SLIT3: variants seen among roughly 807,000 people sequenced by gnomAD.
SLIT3 encodes slit homolog 3 protein.
A neutral mutation model predicts 184.0 loss-of-function variants in SLIT3; 68 were observed. The ratio of observed to expected loss-of-function variants is 0.37; its 90% CI spans 0.30 to 0.45. The LOEUF (loss-of-function observed/expected upper bound fraction) is 0.45, where lower values mean the gene tolerates loss of function less well. Ranked by LOEUF, SLIT3 falls within the 20% of genes least tolerant of loss-of-function variation. The pLI, the probability that SLIT3 is intolerant of heterozygous loss-of-function variation, is 1.00. For missense variants in SLIT3, 1,707 were observed against 2,026.0 expected (o/e 0.84, Z 3.02); for synonymous variants, 831 against 828.6 (o/e 1.00, Z -0.05).
intron 20 of SLIT3, among the ~76,000 whole-genome samples, chr5:168,730,823 AAAG>A (rs1177045775): frequency 6.6e-6 from 1 of 152,070 alleles, no homozygotes; most frequent in African/African-American, 2.4e-5. Flanking sequence ...GAAACTAGAA[AAAG>A]AAGAACAAAA....
At chr5:169,229,214 AT>A (rs72344992) in intron 3 of SLIT3, among the ~76,000 whole-genome samples, 5,007 of 150,544 alleles carry the variant, frequency 0.033, 227 homozygotes, top group African/African-American at 0.11. Flanking sequence ...TCCTTCAGCT[AT>A]TTTTTTTTTC....
At chr5:169,167,792 C>A (rs952601140) in intron 4 of SLIT3, among the ~76,000 whole-genome samples, 2 of 152,138 alleles carry the variant, frequency 1.3e-5, no homozygotes, top group African/African-American at 4.8e-5. Flanking sequence ...CCCCGCCCAC[C>A]TGCCACCCAG....
chr5:169,191,341 C>T (rs750105757), intron 4 of SLIT3, among the ~76,000 whole-genome samples: 2 of 152,168 alleles, frequency 1.3e-5, no homozygotes, highest in Non-Finnish European at 2.9e-5. Flanking sequence ...GAGTCAAATA[C>T]CATTCCTGCC....
intron 15 of SLIT3, among the ~76,000 whole-genome samples, chr5:168,761,356 G>A (rs1211339841): frequency 6.6e-6 from 1 of 152,106 alleles, no homozygotes; most frequent in Non-Finnish European, 1.5e-5. Flanking sequence ...AGCAGCTCGG[G>A]AACTTCACAG....
intron 29 of SLIT3, among the ~76,000 whole-genome samples, chr5:168,689,520 C>T (rs1761846509): frequency 1.3e-5 from 2 of 152,160 alleles, no homozygotes; most frequent in Admixed American, 1.3e-4. Context: ...CTCAGTGAGC[C>T]TCATAAAATG....
intron 8 of SLIT3, among the ~76,000 whole-genome samples, chr5:168,812,545 C>T (rs1187252900): frequency 1.3e-5 from 2 of 152,044 alleles, no homozygotes; most frequent in African/African-American, 2.4e-5. Flanking sequence ...AACAAAAAAA[C>T]CTCACTTGGT....
chr5:168,847,349 A>C (rs1053566039), intron 5 of SLIT3, among the ~76,000 whole-genome samples: 1 of 152,230 alleles, frequency 6.6e-6, no homozygotes, highest in Admixed American at 6.5e-5. Flanking sequence ...ATGAAAACAG[A>C]CAGGATATTC....
chr5:168,996,531 A>T (rs1265076402), intron 4 of SLIT3, among the ~76,000 whole-genome samples: 1 of 152,238 alleles, frequency 6.6e-6, no homozygotes, highest in Non-Finnish European at 1.5e-5. Context: ...GCTTGTTTGC[A>T]TATATCTGGG....
At chr5:168,844,167 C>T (rs141295403) in intron 6 of SLIT3, among the ~76,000 whole-genome samples, 1 of 152,120 alleles carries the variant, frequency 6.6e-6, no homozygotes, top group Non-Finnish European at 1.5e-5. Flanking sequence ...GGCACTAACC[C>T]CTCTCTCTGG....
At chr5:169,207,198 C>G (rs1030546729) in intron 3 of SLIT3, among the ~76,000 whole-genome samples, 1 of 152,064 alleles carries the variant, frequency 6.6e-6, no homozygotes, top group African/African-American at 2.4e-5. Context: ...CCAACCACAG[C>G]TTTGCGATCC....
intron 16 of SLIT3, among the ~76,000 whole-genome samples, chr5:168,759,428 A>G (rs1755061281): frequency 6.6e-6 from 1 of 152,224 alleles, no homozygotes; most frequent in Non-Finnish European, 1.5e-5. Flanking sequence ...AACTGCTCTC[A>G]CGCACATATG....
At chr5:169,236,478 G>GTT (rs56961775) in intron 3 of SLIT3, among the ~76,000 whole-genome samples, 11 of 143,716 alleles carry the variant, frequency 7.7e-5, no homozygotes, top group South Asian at 2.3e-4. Flanking sequence ...GTTTTGTTTT[G>GTT]TTTTTTTTTT....
At chr5:168,692,775 G>T (rs1561877652) in intron 28 of SLIT3, 75 bp from the exon 29 acceptor site, 1 of 1,066,092 alleles carries the variant, frequency 9.4e-7, no homozygotes, top group Non-Finnish European at 1.4e-6. Context: ...AGAGTACTAG[G>T]GGGGATATCC....
chr5:168,915,383 T>C (rs543106469), intron 4 of SLIT3, among the ~76,000 whole-genome samples: 2 of 152,214 alleles, frequency 1.3e-5, no homozygotes, highest in South Asian at 2.1e-4. Flanking sequence ...GACTTTACAA[T>C]AGAGCAATTG....
intron 33 of SLIT3, among the ~76,000 whole-genome samples, chr5:168,672,682 T>C (rs766811569): frequency 1.3e-5 from 2 of 152,122 alleles, no homozygotes; most frequent in Non-Finnish European, 2.9e-5. Context: ...CTGTGTTGCC[T>C]AGGCTGGCCT....
intron 6 of SLIT3, among the ~76,000 whole-genome samples, chr5:168,827,042 G>C (rs773342856): frequency 2.6e-5 from 4 of 152,216 alleles, no homozygotes; most frequent in Admixed American, 6.5e-5. Flanking sequence ...GGGATTACAG[G>C]TGTGAGCCAC....
intron 12 of SLIT3, among the ~76,000 whole-genome samples, chr5:168,782,957 C>T (rs1451192841): frequency 6.6e-6 from 1 of 152,182 alleles, no homozygotes; most frequent in Non-Finnish European, 1.5e-5. Flanking sequence ...TGATAACAGA[C>T]TTTTCTGAGT....
chr5:168,676,357 A>G (rs1761411815), intron 32 of SLIT3, among the ~76,000 whole-genome samples: 1 of 152,218 alleles, frequency 6.6e-6, no homozygotes, highest in South Asian at 2.1e-4. Context: ...ACAACTTATC[A>G]ATGTAAGGTC....
At chr5:169,139,578 A>G (rs1283359162) in intron 4 of SLIT3, among the ~76,000 whole-genome samples, 1 of 152,214 alleles carries the variant, frequency 6.6e-6, no homozygotes, top group Non-Finnish European at 1.5e-5. Context: ...TCCTTCCAGC[A>G]CTAGCCCACC....
Sources: gnomAD v4.1 joint callset for allele counts (sites outside exome capture counted in the v4.1 genomes callset) on GRCh38, gnomAD v4.1.1 for gene constraint, MANE v1.5 for transcripts, NCBI Gene and HGNC (gene_info 2026-07-23, HGNC 2026-07-21) for gene names.